The following FSTL4 variants were observed in gnomAD, a reference collection of about 807,000 sequenced individuals.
FSTL4 encodes the protein follistatin-related protein 4.
In FSTL4, 28 loss-of-function variants were observed where a neutral mutation model predicts 78.2. The observed-to-expected ratio is 0.36, with a 90% CI of 0.27 to 0.49. The LOEUF is 0.49. FSTL4 is among the 20% of genes least tolerant of loss of function. FSTL4 has a pLI of 0.98. For synonymous variants in FSTL4, 422 were observed against 440.5 expected, an observed-to-expected ratio of 0.96 and a Z score of 0.53; for missense variants, 922 against 1,084.9, an observed-to-expected ratio of 0.85 and a Z score of 2.11.
At chr5:133,252,885 G>A (rs1338217877) in intron 6 of FSTL4, among the ~76,000 whole-genome samples, 2 of 152,148 alleles carry the variant, frequency 1.3e-5, no homozygotes, top group Non-Finnish European at 2.9e-5. Flanking sequence ...ACTGGCTGCT[G>A]CATCCTCCCT....
chr5:133,622,752 G>A, the FSTL4 span, among the ~76,000 whole-genome samples: 41 of 152,160 alleles, frequency 2.7e-4, no homozygotes, highest in African/African-American at 9.9e-4. Flanking sequence ...TAATTGCATT[G>A]TTTGGTTCTT....
chr5:133,615,521 C>T (rs772989131), upstream of FSTL4, among the ~76,000 whole-genome samples: 1 of 152,160 alleles, frequency 6.6e-6, no homozygotes, highest in Non-Finnish European at 1.5e-5. Context: ...GGGAGGCAGT[C>T]ATACTAAACG....
intron 6 of FSTL4, among the ~76,000 whole-genome samples, chr5:133,253,896 T>G (rs1047861118): frequency 6.6e-6 from 1 of 152,206 alleles, no homozygotes; most frequent in Non-Finnish European, 1.5e-5. Flanking sequence ...CATTTGTGTC[T>G]TCAGACCTCA....
At chr5:133,443,730 C>T (rs1468932452) in intron 3 of FSTL4, among the ~76,000 whole-genome samples, 2 of 152,174 alleles carry the variant, frequency 1.3e-5, no homozygotes, top group Non-Finnish European at 2.9e-5. Context: ...AATTACTGCC[C>T]ATAGGGACCC....
intron 6 of FSTL4, among the ~76,000 whole-genome samples, chr5:133,292,724 A>T (rs1753294978): frequency 7.4e-6 from 1 of 134,636 alleles, no homozygotes; most frequent in South Asian, 2.4e-4. Flanking sequence ...TTTTATTATA[A>T]GGTGAAAAGA....
At chr5:133,221,704 G>A (rs1316825588) in intron 11 of FSTL4, among the ~76,000 whole-genome samples, 7 of 152,016 alleles carry the variant, frequency 4.6e-5, no homozygotes, top group African/African-American at 1.2e-4. Context: ...TCTATAAAGG[G>A]GGAACAAGGT....
the FSTL4 span, among the ~76,000 whole-genome samples, chr5:133,815,708 C>G: frequency 6.6e-6 from 1 of 152,140 alleles, no homozygotes; most frequent in Non-Finnish European, 1.5e-5. Context: ...AAATATTTTC[C>G]CCCAAGTGTT....
At chr5:133,385,560 C>T (rs1481914740) in intron 4 of FSTL4, among the ~76,000 whole-genome samples, 2 of 152,228 alleles carry the variant, frequency 1.3e-5, no homozygotes, top group African/African-American at 2.4e-5. Context: ...AGTCCACTGG[C>T]AGCAAATCTA....
the FSTL4 span, among the ~76,000 whole-genome samples, chr5:133,808,857 C>T: frequency 6.8e-6 from 1 of 146,744 alleles, no homozygotes; most frequent in African/African-American, 2.5e-5. Context: ...CCCCGCCCCC[C>T]GCCACCCCCC....
intron 6 of FSTL4, among the ~76,000 whole-genome samples, chr5:133,277,346 T>C (rs1264185091): frequency 6.6e-6 from 1 of 151,016 alleles, no homozygotes; most frequent in East Asian, 1.9e-4. Context: ...GGGATGATAA[T>C]TGTGTCAGGT....
chr5:133,662,568 T>C, the FSTL4 span, among the ~76,000 whole-genome samples: 4 of 152,250 alleles, frequency 2.6e-5, no homozygotes, highest in Admixed American at 1.3e-4. Context: ...TTGACAAGTT[T>C]AATTACCCTT....
chr5:133,829,405 A>G, the FSTL4 span, among the ~76,000 whole-genome samples: 2 of 152,104 alleles, frequency 1.3e-5, no homozygotes, highest in Non-Finnish European at 2.9e-5. Flanking sequence ...GAAAAGAAAG[A>G]AAAAGCTCAA....
chr5:133,589,293 A>AG (rs1760571559), intron 2 of FSTL4, among the ~76,000 whole-genome samples: 1 of 88,084 alleles, frequency 1.1e-5, no homozygotes, highest in South Asian at 3.5e-4. Flanking sequence ...TAATAAAAAA[A>AG]AAAAAAAAGA....
chr5:133,347,979 C>G (rs1754732624), intron 4 of FSTL4, among the ~76,000 whole-genome samples: 1 of 152,152 alleles, frequency 6.6e-6, no homozygotes, highest in African/African-American at 2.4e-5. Context: ...AACTGAGGCC[C>G]AGTTTTGTCC....
chr5:133,404,722 C>T (rs952615702), intron 3 of FSTL4, among the ~76,000 whole-genome samples: 1 of 152,030 alleles, frequency 6.6e-6, no homozygotes, highest in Non-Finnish European at 1.5e-5. Context: ...CCCGTCTGAC[C>T]CCGGTGGAAG....
At chr5:133,752,059 A>T in the FSTL4 span, among the ~76,000 whole-genome samples, 1,839 of 152,280 alleles carry the variant, frequency 0.012, 44 homozygotes, top group African/African-American at 0.042. Flanking sequence ...CACACTGGAG[A>T]TGCTGTCCAC....
chr5:133,281,379 G>A (rs922701664), intron 6 of FSTL4, among the ~76,000 whole-genome samples: 2 of 152,120 alleles, frequency 1.3e-5, no homozygotes, highest in Admixed American at 6.5e-5. Flanking sequence ...AATAAAATCT[G>A]ACATTCCCTG....
At chr5:133,803,319 T>C in the FSTL4 span, among the ~76,000 whole-genome samples, 25 of 152,152 alleles carry the variant, frequency 1.6e-4, no homozygotes, top group Non-Finnish European at 2.9e-4. Context: ...CCATGCCAAG[T>C]GTCTAAGGTG....
At position 133,352,285 on chromosome 5, in the gene FSTL4, C is replaced by CAT. The variant is rs1197672979; in HGVS notation, c.410-35635_410-35634dup. Among the ~76,000 whole-genome samples the CAT allele has an allele frequency of 2.9e-4, 31 of 107,052 alleles. No homozygotes were observed. In the East Asian group the frequency reaches 8.9e-3, roughly 31 times the overall value. 70.2% of individuals were successfully genotyped at this position (107,052 alleles called of 152,430 possible). On this transcript the variant is annotated intron_variant, in intron 4 of 15. Coordinates refer to ENST00000265342, the MANE Select transcript of FSTL4 (RefSeq NM_015082.2). ...ATATACACACATATATATATACACA[C>CAT]ATATATATACACACACATATATATA... is the stretch of plus-strand genomic sequence containing the variant.
Sources: gnomAD v4.1 joint callset for allele counts (sites outside exome capture counted in the v4.1 genomes callset) on GRCh38, gnomAD v4.1.1 for gene constraint, MANE v1.5 for transcripts, NCBI Gene and HGNC (gene_info 2026-07-23, HGNC 2026-07-21) for gene names.